Variants in IPO9 observed in about 807,000 individuals in gnomAD.
The protein encoded by IPO9 is importin 9.
In IPO9, 28 loss-of-function variants were observed where a neutral mutation model predicts 128.6. The ratio of observed to expected loss-of-function variants is 0.22; its 90% CI spans 0.16 to 0.30. The LOEUF (loss-of-function observed/expected upper bound fraction) is 0.30, where lower values mean the gene tolerates loss of function less well. IPO9 is among the 10% of genes least tolerant of loss of function. The probability of loss-of-function intolerance (pLI) is 1.00; values close to 1 mark genes in which losing one functional copy is unlikely to be tolerated. For synonymous variants in IPO9, 455 were observed against 475.8 expected (o/e 0.96, Z 0.57); for missense variants, 935 against 1,293.9 (o/e 0.72, Z 4.26).
intron 20 of IPO9, among the ~76,000 whole-genome samples, chr1:201,873,180 C>T (rs1385158611): frequency 1.3e-5 from 2 of 152,142 alleles, no homozygotes; most frequent in African/African-American, 4.8e-5. Flanking sequence ...TGGTGGCTCA[C>T]GCCTGTAATC....
In IPO9 at chr1:201,852,996, T is replaced by G; in HGVS notation, c.604-15T>G. ...GTCTCGTGGCTATGCTGTTATGCTGTAACCTTTCTTCCAGGTGTATGGTAT... is the reference window on the plus strand; with the variant it reads ...GTCTCGTGGCTATGCTGTTATGCTGGAACCTTTCTTCCAGGTGTATGGTAT... On this transcript the variant is annotated splice_polypyrimidine_tract_variant and intron_variant, in intron 5 of 23. Coordinates refer to ENST00000361565, the MANE Select transcript of IPO9 (RefSeq NM_018085.5). 6.2e-7 allele frequency: 1 copy of G among 1,611,612 alleles called. No homozygotes were observed. Among genetic ancestry groups the G allele is most frequent in the Non-Finnish European group, 8.5e-7 (1 of 1,177,630 alleles).
chr1:201,858,877 A>C lies in IPO9; in HGVS notation c.1351A>C (p.Met451Leu). The change falls in exon 13 of 24, where the codon ATG (methionine) becomes CTG (leucine). Residue 451 changes from methionine (M) to leucine (L), a missense_variant. This residue lies in a region of IPO9 where 741 missense variants were observed against 1,019.1 expected (regional missense o/e 0.73). Coordinates refer to ENST00000361565, the MANE Select transcript of IPO9 (RefSeq NM_018085.5). ...EHWWKIHEAC[M>L]LALGSVKAII... ...CAGGTGGAAGATCCATGAGGCATGC[A>C]TGCTTGCCCTAGGCTCAGTGAAGGC... The C allele has an allele frequency of 6.2e-7, 1 of 1,607,640 alleles. No individual in the cohort carries two copies. The highest frequency in any genetic ancestry group is 1.1e-5 in the South Asian group (1 of 90,722).
intron 4 of IPO9, 83 bp downstream of exon 4, chr1:201,848,677 C>T: frequency 3.0e-6 from 4 of 1,355,556 alleles, no homozygotes; most frequent in South Asian, 2.4e-5. Flanking sequence ...ATATAATGGC[C>T]TGGACCAGTA....
chr1:201,830,662 A>G (rs1679817159), intron 1 of IPO9, among the ~76,000 whole-genome samples: 1 of 152,238 alleles, frequency 6.6e-6, no homozygotes, highest in African/African-American at 2.4e-5. Context: ...AAATTCGTTT[A>G]TGCACATTAA....
At chr1:201,854,954 C>T (rs371313148) in intron 8 of IPO9, 31 bp downstream of exon 8, 31 of 1,534,184 alleles carry the variant, frequency 2.0e-5, no homozygotes, top group Non-Finnish European at 2.7e-5. Context: ...AAGGGAGCTA[C>T]TACCACCTAT....
rs758730243 is a variant in IPO9, at chr1:201,855,772, A to G, written c.971-11A>G. 6.2e-7 allele frequency: 1 copy of G among 1,605,380 alleles called. No homozygotes were observed. The highest frequency in any genetic ancestry group is 1.1e-5 in the South Asian group (1 of 88,788). ...TTGTCATTAATTTCTTCTCTTCTGTATTTCCTGCAGGTGAAGTCCTGGGCT... is the reference window on the plus strand; with the variant it reads ...TTGTCATTAATTTCTTCTCTTCTGTGTTTCCTGCAGGTGAAGTCCTGGGCT... On this transcript the variant is annotated splice_polypyrimidine_tract_variant and intron_variant, in intron 9 of 23. Transcript: ENST00000361565.
intron 2 of IPO9, 47 bp downstream of exon 2, chr1:201,847,387 T>C: frequency 6.4e-7 from 1 of 1,551,286 alleles, no homozygotes. Context: ...CTTTCCTTGG[T>C]AATGAAACTT....
At chr1:201,832,265 T>G (rs1008621039) in intron 1 of IPO9, among the ~76,000 whole-genome samples, 114 of 151,184 alleles carry the variant, frequency 7.5e-4, no homozygotes, top group Non-Finnish European at 1.5e-3. Context: ...ACTTTTTTTT[T>G]TTTTGAGACC....
intron 13 of IPO9, among the ~76,000 whole-genome samples, chr1:201,862,202 A>G (rs1680462426): frequency 1.3e-5 from 2 of 152,176 alleles, no homozygotes. Context: ...TCATGCCTGT[A>G]ATCTCAGCAC....
chr1:201,873,577 G>A (rs976026860), intron 20 of IPO9, among the ~76,000 whole-genome samples: 2 of 149,462 alleles, frequency 1.3e-5, no homozygotes, highest in South Asian at 4.2e-4. Flanking sequence ...GAGAAACCCC[G>A]TCTCTACCAA....
chr1:201,829,823 A>G (rs1038550663), intron 1 of IPO9, among the ~76,000 whole-genome samples: 3 of 152,200 alleles, frequency 2.0e-5, no homozygotes, highest in African/African-American at 7.2e-5. Flanking sequence ...AAAGGCGGCT[A>G]TCAAAGCTTA....
intron 1 of IPO9, among the ~76,000 whole-genome samples, chr1:201,840,090 T>A (rs1358536318): frequency 6.6e-6 from 1 of 152,242 alleles, no homozygotes; most frequent in South Asian, 2.1e-4. Context: ...GACAAAAAAA[T>A]TTATTTTATT....
Position 201,874,835 on chromosome 1 carries a change from A to G in IPO9, c.2837A>G (p.Asp946Gly), listed in dbSNP as rs370786942. ...QATPAEWSQDDSNDMWEDQEE... is the reference protein window; with the variant it reads ...QATPAEWSQDGSNDMWEDQEE... The stretch of plus-strand genomic sequence containing the variant: ...GCTGCTTTTCATCTCCAAGTAGATG[A>G]CTCCAATGATATGTGGGAGGACCAG... The change falls in exon 22 of 24, where the codon GAC becomes GGC. Residue 946 changes from aspartate to glycine, a missense_variant. Transcript: ENST00000361565. 4 of 1,606,846 alleles carry G rather than the reference A, an allele frequency of 2.5e-6. No individual in the cohort carries two copies. The African/African-American group carries it at 5.4e-5, about 21-fold the overall frequency.
chr1:201,848,986 CTATCTT>C (rs2102875143), intron 4 of IPO9, among the ~76,000 whole-genome samples: 1 of 152,256 alleles, frequency 6.6e-6, no homozygotes, highest in African/African-American at 2.4e-5. Context: ...GTTAGCTAAT[CTATCTT>C]TATTGACTTG....
At chr1:201,852,975 C>T in intron 5 of IPO9, 36 bp from the exon 6 acceptor site, 13 of 1,538,328 alleles carry the variant, frequency 8.5e-6, no homozygotes, top group South Asian at 1.1e-5. Flanking sequence ...ACTCCAGTCT[C>T]GTGGCTATGC....
At chr1:201,872,006 G>A (rs1279005402) in intron 19 of IPO9, among the ~76,000 whole-genome samples, 6 of 151,988 alleles carry the variant, frequency 3.9e-5, no homozygotes, top group Admixed American at 3.3e-4. Context: ...AGGCTGAGGC[G>A]AGCAGATCAC....
intron 1 of IPO9, among the ~76,000 whole-genome samples, chr1:201,834,197 C>G (rs200059434): frequency 1.7e-5 from 1 of 58,576 alleles, no homozygotes; most frequent in Non-Finnish European, 4.3e-5. Flanking sequence ...AGTAAAAAAA[C>G]TTTTCTTTTC....
In IPO9 at chr1:201,871,169, C is replaced by G; in HGVS notation, c.2418C>G (p.Ile806Met). ...TCCTTATTTTCTCCTAGTCCCTGAT[C>G]ATGGTGTTCGCTCATCTGGTGCACA... is the stretch of plus-strand genomic sequence containing the variant. ...AETLSVMQSL[I>M]MVFAHLVHTQ... Residue 806 changes from isoleucine (I) to methionine (M), a missense_variant, in exon 19 of 24, where the codon ATC (isoleucine) becomes ATG (methionine). Transcript: ENST00000361565. 1 of 1,612,908 alleles carries G rather than the reference C, an allele frequency of 6.2e-7. No individual in the cohort carries two copies. Among genetic ancestry groups the G allele is most frequent in the African/African-American group, 1.3e-5 (1 of 74,966 alleles).
intron 13 of IPO9, 109 bp downstream of exon 13, chr1:201,859,103 G>A (rs1261737145): frequency 1.9e-6 from 2 of 1,031,728 alleles, no homozygotes; most frequent in African/African-American, 1.6e-5. Context: ...AAGTTAATGG[G>A]TGCAGCACAC....
Sources: allele counts gnomAD v4.1 joint callset (sites outside exome capture counted in the v4.1 genomes callset), GRCh38; gene constraint gnomAD v4.1.1; regional missense constraint gnomAD v4.1.1; transcripts MANE v1.5; gene names NCBI Gene and HGNC (gene_info 2026-07-23, HGNC 2026-07-21).